Variants in HHIPL2 observed in about 807,000 individuals in gnomAD.
The protein encoded by HHIPL2 is HHIP like 2.
HHIPL2 carries 61 observed loss-of-function variants against 61.0 expected under a neutral mutation model. That is an observed-to-expected ratio of 1.00 (90% CI 0.81 to 1.24). The LOEUF (loss-of-function observed/expected upper bound fraction) is 1.24, where lower values mean the gene tolerates loss of function less well. Among genes scored for constraint, HHIPL2 ranks in the 50% most tolerant of loss-of-function variants. The pLI is 0.00. For synonymous variants in HHIPL2, 343 were observed against 357.4 expected, an observed-to-expected ratio of 0.96 and a Z score of 0.45; for missense variants, 885 against 910.2, an observed-to-expected ratio of 0.97 and a Z score of 0.36.
chr1:222,537,797 T>C (rs1034248065), intron 5 of HHIPL2, among the ~76,000 whole-genome samples: 3 of 152,142 alleles, frequency 2.0e-5, no homozygotes, highest in Non-Finnish European at 4.4e-5. Context: ...TTCTATATTC[T>C]AACAATTAAC....
chr1:222,547,993 G>T lies in HHIPL2; in HGVS notation c.52C>A (p.Pro18Thr). 1 of 1,606,836 alleles carries T rather than the reference G, an allele frequency of 6.2e-7. No individual in the cohort carries two copies. The highest frequency in any genetic ancestry group is 8.5e-7 in the Non-Finnish European group (1 of 1,175,472). The part of the protein sequence containing the change: ...NLCGGLHCRA[P>T]WLSSGILCLC... ...CAGAGAATGCCAGAAGAGAGCCAGG[G>T]GGCCCGGCAATGCAGACCACCACAC... Residue 18 changes from proline to threonine, a missense_variant, in exon 1 of 9, where the codon CCC becomes ACC. Physicochemically the swap from Pro to Thr is conservative, Grantham distance 38. Transcript: ENST00000343410.
intron 4 of HHIPL2, among the ~76,000 whole-genome samples, chr1:222,539,387 A>G (rs34136100): frequency 0.46 from 69,818 of 151,382 alleles, 16,973 homozygotes; most frequent in East Asian, 0.66. Flanking sequence ...AAAATTAGGT[A>G]GGAGTGGTGG....
In HHIPL2 at chr1:222,522,883, TG is replaced by T; in HGVS notation, c.1892del (p.Thr631LysfsTer6). The T allele has an allele frequency of 6.2e-7, 1 of 1,611,372 alleles. No homozygotes were observed. The highest frequency in any genetic ancestry group is 8.5e-7 in the Non-Finnish European group (1 of 1,178,648). On this transcript the variant is annotated frameshift_variant, in exon 9 of 9. Coordinates refer to ENST00000343410, the MANE Select transcript of HHIPL2 (RefSeq NM_024746.4). LOFTEE classifies it low-confidence loss of function (END_TRUNC). ...ATTGTTCCTTTAGCAAGTCCAAGACTGTCTCTGAGAAATCAGTATTTATTTA... is the reference window on the plus strand; with the variant it reads ...ATTGTTCCTTTAGCAAGTCCAAGACTTCTCTGAGAAATCAGTATTTATTTA... ...KRIPFRPLAKTVLDLLKEQSE... is the reference protein window; with the variant it reads ...KRIPFRPLAKXVLDLLKEQSE...
At position 222,522,685 on chromosome 1, in the gene HHIPL2, G is replaced by A; in HGVS notation, c.2091C>T (p.Gly697=). Residue 697 remains glycine, a synonymous_variant, in exon 9 of 9, where the codon GGC becomes GGT. Coordinates refer to ENST00000343410, the MANE Select transcript of HHIPL2 (RefSeq NM_024746.4). ...KARVGPHVRQ[G]KRRKSLKSHS... ...GGCTTTTCAGGCTCTTCCTCCTCTT[G>A]CCCTGGCGGACGTGGGGCCCCACTC... 2.5e-6 allele frequency: 4 copies of A among 1,614,074 alleles called. No individual in the cohort carries two copies. Among genetic ancestry groups the A allele is most frequent in the Non-Finnish European group, 3.4e-6 (4 of 1,180,024 alleles).
intron 5 of HHIPL2, among the ~76,000 whole-genome samples, chr1:222,534,784 G>A (rs1659267344): frequency 6.6e-6 from 1 of 151,794 alleles, no homozygotes; most frequent in East Asian, 1.9e-4. Flanking sequence ...ATAAAACACA[G>A]AGAAAATTTT....
Position 222,522,502 on chromosome 1 carries a change from G to T in HHIPL2, c.*99C>A. On this transcript the variant is annotated 3_prime_UTR_variant, in exon 9 of 9. Coordinates refer to ENST00000343410, the MANE Select transcript of HHIPL2 (RefSeq NM_024746.4). The stretch of plus-strand genomic sequence containing the variant: ...ACCGCCCTGCCCCACCTCTACCCTG[G>T]CTTCCCAGACTTCTAAGGTCTTTAT... 2 of 1,335,548 alleles carry T rather than the reference G, an allele frequency of 1.5e-6. No homozygotes were observed. The highest frequency in any genetic ancestry group is 2.0e-6 in the Non-Finnish European group (2 of 976,562). 82.7% of individuals were successfully genotyped at this position (1,335,548 alleles called of 1,614,324 possible). A position where few individuals can be genotyped will look rare whatever the true frequency, so the allele number is the denominator to read the frequency against.
At position 222,543,796 on chromosome 1, in the gene HHIPL2, C is replaced by T. The variant is rs769778876; in HGVS notation, c.715G>A (p.Gly239Arg). Residue 239 changes from glycine (G) to arginine (R), a missense_variant, in exon 2 of 9, where the codon GGA (glycine) becomes AGA (arginine). Gly to Arg is a moderately radical substitution (Grantham distance 125). Transcript: ENST00000343410. ...THRFFVAEQV[G>R]VVWVYLPDGS... ...TCAGGGAGGTAGACCCACACCACTC[C>T]TACCTGCTCGGCAACAAAGAAGCGA... 1.2e-6 allele frequency: 2 copies of T among 1,614,116 alleles called. No individual in the cohort carries two copies. The highest frequency in any genetic ancestry group is 1.7e-6 in the Non-Finnish European group (2 of 1,180,024).
In HHIPL2 at chr1:222,540,274, G is replaced by T; in HGVS notation, c.1186C>A (p.Arg396=). 6.2e-7 allele frequency: 1 copy of T among 1,614,228 alleles called. No individual in the cohort carries two copies. Among genetic ancestry groups the T allele is most frequent in the South Asian group, 1.1e-5 (1 of 91,086 alleles). ...NRAGSHGKRY[R]VPSDNPFVSE... ...ACAAATGGATTGTCCGAGGGGACTCGGTACCGCTTGCCATGTGAGCCTGCC... is the reference window on the plus strand; with the variant it reads ...ACAAATGGATTGTCCGAGGGGACTCTGTACCGCTTGCCATGTGAGCCTGCC... Residue 396 remains arginine, a synonymous_variant, in exon 4 of 9, where the codon CGA becomes AGA. Transcript: ENST00000343410.
At chr1:222,530,725 T>A (rs79144914) in intron 6 of HHIPL2, among the ~76,000 whole-genome samples, 1 of 47,276 alleles carries the variant, frequency 2.1e-5, no homozygotes, top group African/African-American at 1.2e-4. Context: ...ATAGAGAATC[T>A]TTTTTTTTAA....
rs375449929 is a variant in HHIPL2, at chr1:222,522,582, G to C, written c.*19C>G. ...CTCTCCTCTCTCACGTCACCCTGTC[G>C]GCCACCTTGACCAATAGGTCAAGGG... On this transcript the variant is annotated 3_prime_UTR_variant, in exon 9 of 9. Transcript: ENST00000343410. 2.5e-6 allele frequency: 4 copies of C among 1,605,034 alleles called. No individual in the cohort carries two copies. The East Asian group carries it at 8.9e-5, about 36-fold the overall frequency.
rs527289085 is a variant in HHIPL2, at chr1:222,526,575, C to T, written c.1805+394G>A. On this transcript the variant is annotated intron_variant, in intron 7 of 8. Coordinates refer to ENST00000343410, the MANE Select transcript of HHIPL2 (RefSeq NM_024746.4). ...ACAAAATTAGCTAGCTATGGTGGTG[C>T]ATGCCTGTAATCTCAGCTACTTGGG... Among the ~76,000 whole-genome samples, 11 of 152,042 alleles carry T rather than the reference C, an allele frequency of 7.2e-5. No individual in the cohort carries two copies. The East Asian group carries it at 2.1e-3, about 29-fold the overall frequency.
intron 5 of HHIPL2, 111 bp from the exon 6 acceptor site, chr1:222,532,222 G>T: frequency 1.1e-6 from 1 of 937,332 alleles, no homozygotes; most frequent in Non-Finnish European, 1.5e-6. Context: ...CCCCCATTAA[G>T]AGATCAATAA....
chr1:222,544,158 TC>T lies in HHIPL2; in HGVS notation c.352del (p.Asp118ThrfsTer34), dbSNP rs1659506641. On this transcript the variant is annotated frameshift_variant, in exon 2 of 9. Transcript: ENST00000343410. LOFTEE classifies it high-confidence loss of function. ...GAGAGGCGTCTGGGTGTTTTCGGCGTCGTAGAGGTGGGCTGCGTAGGGCGAG... is the reference window on the plus strand; with the variant it reads ...GAGAGGCGTCTGGGTGTTTTCGGCGTGTAGAGGTGGGCTGCGTAGGGCGAG... ...ECSPYAAHLY[D>X]AENTQTPLRN... 4.3e-6 allele frequency: 7 copies of T among 1,613,220 alleles called. No individual in the cohort carries two copies. Among genetic ancestry groups the T allele is most frequent in the Non-Finnish European group, 5.9e-6 (7 of 1,179,996 alleles).
Position 222,544,018 on chromosome 1 carries a change from C to G in HHIPL2, c.493G>C (p.Gly165Arg), listed in dbSNP as rs773039315. 5 of 1,614,010 alleles carry G rather than the reference C, an allele frequency of 3.1e-6. No individual in the cohort carries two copies. The highest frequency in any genetic ancestry group is 1.6e-4 in the Middle Eastern group (1 of 6,062). Reference protein sequence around the residue: ...RGLQESHGRDGTRFCHLLDLP... With the variant: ...RGLQESHGRDRTRFCHLLDLP... ...TCCAGGAGGTGGCAGAAGCGGGTAC[C>G]GTCCCTTCCATGAGACTCCTGGAGG... The change falls in exon 2 of 9, where the codon GGT becomes CGT. Residue 165 changes from glycine (G) to arginine (R), a missense_variant. Transcript: ENST00000343410.
intron 1 of HHIPL2, among the ~76,000 whole-genome samples, chr1:222,544,610 C>A (rs1369748845): frequency 2.0e-5 from 3 of 152,162 alleles, no homozygotes; most frequent in African/African-American, 4.8e-5. Context: ...GATTCTCCTG[C>A]CTCTTCGATC....
rs763816813 is a variant in HHIPL2, at chr1:222,544,073, T to C, written c.438A>G (p.Ser146=). Reference sequence around the variant, plus strand: ...GGTCATTGGTCAGCAGGGAAATGGCTGAGTGACAGTTAGAATGGAAGGCAG... The same window carrying C: ...GGTCATTGGTCAGCAGGGAAATGGCCGAGTGACAGTTAGAATGGAAGGCAG... ...YCSAFHSNCH[S]AISLLTNDRG... is the part of the protein sequence containing the mutation. The change falls in exon 2 of 9, where the codon TCA becomes TCG. Residue 146 remains serine, a synonymous_variant. Transcript: ENST00000343410. 2 of 1,614,138 alleles carry C rather than the reference T, an allele frequency of 1.2e-6. No individual in the cohort carries two copies. Among genetic ancestry groups the C allele is most frequent in the Middle Eastern group, 1.6e-4 (1 of 6,062 alleles).
chr1:222,535,994 A>G (rs1246913530), intron 5 of HHIPL2, among the ~76,000 whole-genome samples: 1 of 152,138 alleles, frequency 6.6e-6, no homozygotes, highest in Admixed American at 6.5e-5. Flanking sequence ...GGATACTGCT[A>G]AAGTAGTACT....
chr1:222,540,184 C>CA lies in HHIPL2; in HGVS notation c.1275dup (p.Val426CysfsTer26), dbSNP rs759407964. 4 of 1,614,278 alleles carry CA rather than the reference C, an allele frequency of 2.5e-6. No homozygotes were observed. The South Asian group carries it at 4.4e-5, about 18-fold the overall frequency. On this transcript the variant is annotated frameshift_variant, in exon 4 of 9. Coordinates refer to ENST00000343410, the MANE Select transcript of HHIPL2 (RefSeq NM_024746.4). LOFTEE classifies it high-confidence loss of function. ...CGCGTGATGGGGTCCCCTCGGTCCA[C>CA]AGCACAACGCCACATGTTCCTGATC...
chr1:222,528,820 A>ATTTTTTTTTTTTTTTTTTTTTTTT (rs59113896), intron 6 of HHIPL2, among the ~76,000 whole-genome samples: 1 of 128,842 alleles, frequency 7.8e-6, no homozygotes, highest in Non-Finnish European at 1.6e-5. Context: ...TAAACAACTA[A>ATTTTTTTTTTTTTTTTTTTTTTTT]TTTTTTTTTT....
Sources: gnomAD v4.1 joint callset for allele counts (sites outside exome capture counted in the v4.1 genomes callset) on GRCh38, gnomAD v4.1.1 for gene constraint, MANE v1.5 for transcripts, NCBI Gene and HGNC (gene_info 2026-07-23, HGNC 2026-07-21) for gene names.